TCERG1L: variants seen among roughly 807,000 people sequenced by gnomAD.
The protein encoded by TCERG1L is transcription elongation regulator 1 like.
A neutral mutation model predicts 56.3 loss-of-function variants in TCERG1L; 37 were observed. That is an observed-to-expected ratio of 0.66 (90% CI 0.51 to 0.87). TCERG1L has a LOEUF of 0.87. Among genes scored for constraint, TCERG1L ranks in the 40% least tolerant of loss-of-function variants. The pLI, the probability that TCERG1L is intolerant of heterozygous loss-of-function variation, is 0.00. For synonymous variants in TCERG1L, 324 were observed against 326.3 expected, an observed-to-expected ratio of 0.99 and a Z score of 0.08; for missense variants, 799 against 774.2, an observed-to-expected ratio of 1.03 and a Z score of -0.38.
rs78097476 is a variant in TCERG1L at position 131,213,757 on chromosome 10, G to C, written c.856+46502C>G. 4.0e-3 allele frequency among the ~76,000 whole-genome samples: 611 copies of C among 152,320 alleles called. 11 individuals are homozygous for C. The East Asian group carries it at 0.055, about 14-fold the overall frequency. ...TGCTGAAGGGACTCTTAAGGGCAAGGGCACTGGCACACACAGGCAAGAATC... is the reference window on the plus strand; with the variant it reads ...TGCTGAAGGGACTCTTAAGGGCAAGCGCACTGGCACACACAGGCAAGAATC... On this transcript the variant is annotated intron_variant, in intron 4 of 11. Transcript: ENST00000368642.
intron 7 of TCERG1L, among the ~76,000 whole-genome samples, chr10:131,141,727 A>G (rs1845740832): frequency 6.7e-6 from 1 of 148,816 alleles, no homozygotes; most frequent in Non-Finnish European, 1.5e-5. Context: ...TGGTGGCTTG[A>G]TGTCTTAGGT....
At chr10:131,307,246 C>A (rs1589779601) in intron 3 of TCERG1L, among the ~76,000 whole-genome samples, 1 of 152,168 alleles carries the variant, frequency 6.6e-6, no homozygotes, top group Non-Finnish European at 1.5e-5. Flanking sequence ...AAGTTGCAGT[C>A]AGAAATCATT....
At chr10:131,112,448 C>A (rs1845421280) in intron 9 of TCERG1L, among the ~76,000 whole-genome samples, 1 of 142,356 alleles carries the variant, frequency 7.0e-6, no homozygotes, top group African/African-American at 2.5e-5. Context: ...ATGCCAGCTG[C>A]ATGTGGACAG....
At chr10:131,238,167 A>G (rs969629881) in intron 4 of TCERG1L, among the ~76,000 whole-genome samples, 1 of 152,060 alleles carries the variant, frequency 6.6e-6, no homozygotes, top group Admixed American at 6.6e-5. Flanking sequence ...CAGTCTGGAA[A>G]GGCCCACAGA....
chr10:131,271,820 C>T (rs1158825015), intron 3 of TCERG1L, among the ~76,000 whole-genome samples: 1 of 152,192 alleles, frequency 6.6e-6, no homozygotes, highest in Non-Finnish European at 1.5e-5. Flanking sequence ...CTGACAAACA[C>T]CAGCTGCCAT....
intron 4 of TCERG1L, among the ~76,000 whole-genome samples, chr10:131,247,234 T>C (rs1846050188): frequency 6.6e-6 from 1 of 152,236 alleles, no homozygotes; most frequent in South Asian, 2.1e-4. Flanking sequence ...AAAGGTACCC[T>C]GTGCTGGGCA....
At chr10:131,239,277 G>A (rs995145678) in intron 4 of TCERG1L, among the ~76,000 whole-genome samples, 1 of 152,150 alleles carries the variant, frequency 6.6e-6, no homozygotes, top group Non-Finnish European at 1.5e-5. Flanking sequence ...CCCATAAATT[G>A]TTTGCTGATA....
At chr10:131,197,495 A>AT (rs35344621) in intron 4 of TCERG1L, among the ~76,000 whole-genome samples, 36,276 of 150,738 alleles carry the variant, frequency 0.24, 4,703 homozygotes, top group East Asian at 0.48. Context: ...TTTCTCCTCC[A>AT]TTTTTTTTTC....
chr10:131,136,630 G>T (rs565231777), intron 7 of TCERG1L, among the ~76,000 whole-genome samples: 1 of 152,136 alleles, frequency 6.6e-6, no homozygotes, highest in South Asian at 2.1e-4. Context: ...CGAGCAGCTG[G>T]AATCACAGGC....
intron 9 of TCERG1L, among the ~76,000 whole-genome samples, chr10:131,115,862 CCT>C (rs1339355884): frequency 2.0e-5 from 3 of 152,184 alleles, no homozygotes; most frequent in African/African-American, 7.2e-5. Flanking sequence ...TCTGCTCAGA[CCT>C]CTCTGTTCTG....
chr10:131,206,833 T>C (rs1161581391), intron 4 of TCERG1L, among the ~76,000 whole-genome samples: 1 of 151,626 alleles, frequency 6.6e-6, no homozygotes, highest in African/African-American at 2.4e-5. Flanking sequence ...GAGGGTGGGG[T>C]GCGTCCAGGG....
At chr10:131,168,362 A>G (rs1253322306) in intron 4 of TCERG1L, among the ~76,000 whole-genome samples, 1 of 152,156 alleles carries the variant, frequency 6.6e-6, no homozygotes, top group Non-Finnish European at 1.5e-5. Context: ...ATAGCTCTGC[A>G]TGGGGCCAGC....
chr10:131,128,747 G>T (rs893170827), intron 8 of TCERG1L, among the ~76,000 whole-genome samples: 1 of 152,182 alleles, frequency 6.6e-6, no homozygotes, highest in African/African-American at 2.4e-5. Flanking sequence ...GCAGAATTAA[G>T]AGATTAGCAC....
chr10:131,265,201 ATG>A (rs1022077155), intron 3 of TCERG1L, among the ~76,000 whole-genome samples: 61 of 152,336 alleles, frequency 4.0e-4, no homozygotes, highest in African/African-American at 1.5e-3. Context: ...AAGTGAGAAA[ATG>A]TGTTTACCAC....
At chr10:131,150,017 T>C (rs1274874234) in intron 6 of TCERG1L, among the ~76,000 whole-genome samples, 1 of 152,242 alleles carries the variant, frequency 6.6e-6, no homozygotes, top group Non-Finnish European at 1.5e-5. Context: ...GGGATGTTTT[T>C]TCATGATGTT....
At chr10:131,308,959 A>G (rs1300745666) in intron 2 of TCERG1L, among the ~76,000 whole-genome samples, 194 bp downstream of exon 2, 1 of 152,220 alleles carries the variant, frequency 6.6e-6, no homozygotes, top group Non-Finnish European at 1.5e-5. Context: ...CAAATATCCT[A>G]AACTAAAACA....
intron 4 of TCERG1L, among the ~76,000 whole-genome samples, chr10:131,253,245 G>A (rs1846130583): frequency 6.6e-6 from 1 of 152,192 alleles, no homozygotes; most frequent in South Asian, 2.1e-4. Context: ...GACAGCTGGT[G>A]GGTGGGACTG....
At chr10:131,291,172 TATA>T (rs1357130091) in intron 3 of TCERG1L, among the ~76,000 whole-genome samples, 2 of 152,144 alleles carry the variant, frequency 1.3e-5, no homozygotes, top group East Asian at 3.9e-4. Flanking sequence ...CTATTTTTAT[TATA>T]ATATTAGAAT....
chr10:131,272,283 G>A (rs553443732), intron 3 of TCERG1L, among the ~76,000 whole-genome samples: 3 of 152,250 alleles, frequency 2.0e-5, no homozygotes, highest in Non-Finnish European at 2.9e-5. Context: ...ATATCTGACT[G>A]AGGCGCCCTG....
Sources: gnomAD v4.1 joint callset for allele counts (sites outside exome capture counted in the v4.1 genomes callset) on GRCh38, gnomAD v4.1.1 for gene constraint, MANE v1.5 for transcripts, NCBI Gene and HGNC (gene_info 2026-07-23, HGNC 2026-07-21) for gene names.